The following CNTN1 variants were observed in gnomAD, a reference collection of about 807,000 sequenced individuals.
CNTN1 encodes contactin-1.
A neutral mutation model predicts 126.4 loss-of-function variants in CNTN1; 38 were observed. The observed-to-expected ratio is 0.30, with a 90% CI of 0.23 to 0.39. CNTN1 has a LOEUF of 0.39. Among genes scored for constraint, CNTN1 ranks in the 10% least tolerant of loss-of-function variants. The pLI, the probability that CNTN1 is intolerant of heterozygous loss-of-function variation, is 1.00. For missense variants in CNTN1, 1,009 were observed against 1,248.4 expected, an observed-to-expected ratio of 0.81 and a Z score of 2.89; for synonymous variants, 413 against 422.6, an observed-to-expected ratio of 0.98 and a Z score of 0.28.
chr12:40,781,229 C>T (rs966705022), intron 1 of CNTN1, among the ~76,000 whole-genome samples: 6 of 151,924 alleles, frequency 3.9e-5, no homozygotes, highest in African/African-American at 1.5e-4. Flanking sequence ...GAATGCACAA[C>T]CGTACCTGTG....
At position 40,947,016 on chromosome 12, in the gene CNTN1, G is replaced by T. The variant is rs559912968; in HGVS notation, c.1683+2846G>T. On this transcript the variant is annotated intron_variant, in intron 14 of 23. Coordinates refer to ENST00000551295, the MANE Select transcript of CNTN1 (RefSeq NM_001843.4). ...AAAAATGTAACTGTACATTTTTAAA[G>T]ATGTATATTTCTTTTAAGAGTTTAA... is the stretch of plus-strand genomic sequence containing the variant. 8.6e-4 allele frequency among the ~76,000 whole-genome samples: 130 copies of T among 151,986 alleles called. 1 individual carries two copies. The highest frequency in any genetic ancestry group is 1.7e-3 in the East Asian group (9 of 5,180).
chr12:40,983,659 T>G (rs1006130382), intron 16 of CNTN1, among the ~76,000 whole-genome samples: 3 of 150,684 alleles, frequency 2.0e-5, no homozygotes, highest in East Asian at 3.9e-4. Flanking sequence ...TTAGCTTAAA[T>G]TTTCAGTGAA....
rs75729743 is a variant in CNTN1 at position 41,001,357 on chromosome 12, A to T, written c.2113+8088A>T. Among the ~76,000 whole-genome samples, 1,015 of 152,210 alleles carry T rather than the reference A, an allele frequency of 6.7e-3. 15 individuals are homozygous for T. Among genetic ancestry groups the T allele is most frequent in the African/African-American group, 0.022 (928 of 41,542 alleles). On this transcript the variant is annotated intron_variant, in intron 17 of 23. Transcript: ENST00000551295. ...GATTTGCCTTTCTCTAATGATCATT[A>T]TGTGGAGCTTTTTTCATATGATTGT...
intron 23 of CNTN1, among the ~76,000 whole-genome samples, chr12:41,035,910 C>T (rs1219958494): frequency 3.3e-5 from 5 of 152,074 alleles, no homozygotes; most frequent in African/African-American, 1.2e-4. Context: ...TTTGTAATTT[C>T]TTGTAAGTTC....
intron 1 of CNTN1, among the ~76,000 whole-genome samples, chr12:40,738,810 A>G (rs913775193): frequency 5.9e-5 from 9 of 152,084 alleles, no homozygotes; most frequent in Admixed American, 5.9e-4. Context: ...AATTTGCAAA[A>G]ATTAAAAAGC....
chr12:40,951,715 T>TAAAA (rs71078286), intron 14 of CNTN1, among the ~76,000 whole-genome samples: 2 of 110,040 alleles, frequency 1.8e-5, no homozygotes, highest in Non-Finnish European at 3.6e-5. Context: ...TCTCAAAATT[T>TAAAA]AAAAAAAAAA....
intron 1 of CNTN1, among the ~76,000 whole-genome samples, chr12:40,716,574 T>C (rs1041711620): frequency 2.0e-5 from 3 of 152,198 alleles, no homozygotes; most frequent in Non-Finnish European, 2.9e-5. Flanking sequence ...CAAATGTATC[T>C]AGAGACTGAG....
At chr12:40,915,509 T>G (rs974556002) in intron 3 of CNTN1, among the ~76,000 whole-genome samples, 1 of 152,092 alleles carries the variant, frequency 6.6e-6, no homozygotes, top group African/African-American at 2.4e-5. Flanking sequence ...CTCTTTGAGA[T>G]GAGTTCATAT....
intron 1 of CNTN1, among the ~76,000 whole-genome samples, chr12:40,774,776 T>TA (rs201501298): frequency 1.1e-4 from 17 of 151,454 alleles, no homozygotes; most frequent in Admixed American, 2.0e-4. Flanking sequence ...CTTTTTTTTT[T>TA]ATTACCTTTC....
intron 1 of CNTN1, among the ~76,000 whole-genome samples, chr12:40,829,123 A>G (rs1941718890): frequency 6.6e-6 from 1 of 152,206 alleles, no homozygotes. Context: ...TCTTGCTTAA[A>G]TATCATGGCA....
In CNTN1 at chr12:41,007,059, T is replaced by G. The variant is rs1325080911; in HGVS notation, c.2114-7169T>G. ...AGTTTTGTGTGGTTTTTTTTTTTTT[T>G]TTTTTTTTTTTTTTTTTTGAGACGG... is the stretch of plus-strand genomic sequence containing the variant. On this transcript the variant is annotated intron_variant, in intron 17 of 23. Transcript: ENST00000551295. Among the ~76,000 whole-genome samples, 3 of 127,654 alleles carry G rather than the reference T, an allele frequency of 2.4e-5. No homozygotes were observed. In the East Asian group the frequency reaches 6.8e-4, roughly 29 times the overall value. 83.7% of individuals were successfully genotyped at this position (127,654 alleles called of 152,430 possible). A position where few individuals can be genotyped will look rare whatever the true frequency, so the allele number is the denominator to read the frequency against.
At chr12:40,837,082 A>T (rs1942086844) in intron 1 of CNTN1, among the ~76,000 whole-genome samples, 2 of 152,166 alleles carry the variant, frequency 1.3e-5, no homozygotes, top group African/African-American at 4.8e-5. Flanking sequence ...CTTTTAACTA[A>T]AATATATATA....
chr12:40,825,867 G>GTGTA (rs1941600232), intron 1 of CNTN1, among the ~76,000 whole-genome samples: 1 of 151,878 alleles, frequency 6.6e-6, no homozygotes, highest in African/African-American at 2.4e-5. Flanking sequence ...GATGATGTGT[G>GTGTA]TATGTGTGTC....
rs1364191366 is a variant in CNTN1, at chr12:40,993,216, T to G, written c.2060T>G (p.Leu687Arg). 6.2e-7 allele frequency: 1 copy of G among 1,613,766 alleles called. No homozygotes were observed. Among genetic ancestry groups the G allele is most frequent in the African/African-American group, 1.3e-5 (1 of 74,912 alleles). Residue 687 changes from leucine (L) to arginine (R), a missense_variant, in exon 17 of 24, where the codon CTG becomes CGG. By Grantham distance (102) the Leu-to-Arg change is moderately radical. Coordinates refer to ENST00000551295, the MANE Select transcript of CNTN1 (RefSeq NM_001843.4). ...TTCCGCGTGGTAGCAACCAATACAC[T>G]GGGTAGAGGAGAGCCCAGTATACCA... ...YEFRVVATNT[L>R]GRGEPSIPSN...
At chr12:40,769,734 G>A (rs192126417) in intron 1 of CNTN1, among the ~76,000 whole-genome samples, 113 of 152,050 alleles carry the variant, frequency 7.4e-4, no homozygotes, top group African/African-American at 2.6e-3. Flanking sequence ...TTTTTTTGGA[G>A]TTCCCTTAAA....
Position 40,759,053 on chromosome 12 carries a change from A to G in CNTN1, c.-77+66461A>G, listed in dbSNP as rs573216550. Among the ~76,000 whole-genome samples, 16 of 152,000 alleles carry G rather than the reference A, an allele frequency of 1.1e-4. 1 individual carries two copies. Among genetic ancestry groups the G allele is most frequent in the African/African-American group, 3.6e-4 (15 of 41,478 alleles). On this transcript the variant is annotated intron_variant, in intron 1 of 23. Coordinates refer to ENST00000551295, the MANE Select transcript of CNTN1 (RefSeq NM_001843.4). ...CAAGTAGCTGGGATTACAGGCATGT[A>G]TCACCATGCCTGGCTAATTTTGTAT...
intron 1 of CNTN1, among the ~76,000 whole-genome samples, chr12:40,783,441 T>G (rs1939883684): frequency 6.6e-6 from 1 of 152,078 alleles, no homozygotes; most frequent in Non-Finnish European, 1.5e-5. Context: ...TTTTGTTAGT[T>G]TGCTTGACCT....
At position 41,041,512 on chromosome 12, in the gene CNTN1, C is replaced by G. The variant is rs557153600; in HGVS notation, c.2980+12293C>G. Among the ~76,000 whole-genome samples the G allele has an allele frequency of 4.6e-5, 7 of 152,230 alleles. No individual in the cohort carries two copies. In the East Asian group the frequency reaches 1.4e-3, roughly 29 times the overall value. ...ATGGTATCAGTTTCTCCTTGTACCT[C>G]TGGTAGAATTTGGCTGTGAATCCAT... On this transcript the variant is annotated intron_variant, in intron 23 of 23. Transcript: ENST00000551295.
intron 1 of CNTN1, among the ~76,000 whole-genome samples, chr12:40,849,341 A>G (rs312276): frequency 0.53 from 80,969 of 151,930 alleles, 22,181 homozygotes; most frequent in East Asian, 0.76. Flanking sequence ...TATTTGATTA[A>G]TATATATGTA....
Sources: gnomAD v4.1 joint callset for allele counts (sites outside exome capture counted in the v4.1 genomes callset) on GRCh38, gnomAD v4.1.1 for gene constraint, MANE v1.5 for transcripts, NCBI Gene and HGNC (gene_info 2026-07-23, HGNC 2026-07-21) for gene names.